NFATC1: variants seen among roughly 807,000 people sequenced by gnomAD.
The protein encoded by NFATC1 is nuclear factor of activated T cells 1, also known as nuclear factor of activated T-cells, cytoplasmic 1.
In NFATC1, 22 loss-of-function variants were observed where a neutral mutation model predicts 76.0. The ratio of observed to expected loss-of-function variants is 0.29; its 90% confidence interval spans 0.21 to 0.41. The LOEUF is 0.41. NFATC1 is among the 10% of genes least tolerant of loss of function. The probability of loss-of-function intolerance (pLI) is 1.00; values close to 1 mark genes in which losing one functional copy is unlikely to be tolerated. For synonymous variants in NFATC1, 704 were observed against 613.1 expected (o/e 1.15, Z -2.19); for missense variants, 1,357 against 1,337.7 (o/e 1.01, Z -0.23).
In NFATC1 at chr18:79,461,293, C is replaced by A; in HGVS notation, c.1904-18C>A. The A allele has an allele frequency of 6.2e-7, 1 of 1,610,416 alleles. No homozygotes were observed. The highest frequency in any genetic ancestry group is 1.1e-5 in the South Asian group (1 of 91,040). On this transcript the variant is annotated intron_variant, in intron 6 of 9. Transcript: ENST00000427363. Reference sequence around the variant, plus strand: ...CCACCACACAGAGTCACAGACGTTTCCTGCTCCTTTCTTCCAGATGGCCAC... The same window carrying A: ...CCACCACACAGAGTCACAGACGTTTACTGCTCCTTTCTTCCAGATGGCCAC...
At position 79,527,611 on chromosome 18, in the gene NFATC1, A is replaced by C. The variant is rs760165897; in HGVS notation, c.*34A>C. The C allele has an allele frequency of 6.9e-6, 11 of 1,594,402 alleles. No individual in the cohort carries two copies. Among genetic ancestry groups the C allele is most frequent in the Non-Finnish European group, 7.7e-6 (9 of 1,162,354 alleles). Reference sequence around the variant, plus strand: ...TTGGAGCACTCAGTTCAGCAGGGGTATGCTGACTTCAGCAGACAAAGACTT... The same window carrying C: ...TTGGAGCACTCAGTTCAGCAGGGGTCTGCTGACTTCAGCAGACAAAGACTT... On this transcript the variant is annotated 3_prime_UTR_variant, in exon 10 of 10. Transcript: ENST00000427363.
At chr18:79,484,921 A>G (rs2089450869) in intron 8 of NFATC1, among the ~76,000 whole-genome samples, 1 of 152,218 alleles carries the variant, frequency 6.6e-6, no homozygotes, top group East Asian at 1.9e-4. Flanking sequence ...CTGCAGGAAA[A>G]CGCCGTCTCC....
intron 9 of NFATC1, chr18:79,496,732 C>T (rs2089896999): frequency 6.6e-6 from 1 of 152,310 alleles, no homozygotes. Context: ...ACGGAAGACC[C>T]AGATCACAGT....
intron 9 of NFATC1, among the ~76,000 whole-genome samples, chr18:79,512,372 T>C (rs1196781775): frequency 1.3e-5 from 2 of 152,046 alleles, no homozygotes; most frequent in Admixed American, 1.3e-4. Context: ...GACTAAGGCT[T>C]AGGGATTTTA....
intron 9 of NFATC1, among the ~76,000 whole-genome samples, chr18:79,507,493 C>T (rs897268938): frequency 6.6e-5 from 10 of 152,244 alleles, no homozygotes; most frequent in African/African-American, 2.2e-4. Context: ...CCCTGCCCTC[C>T]GGGGCAGCAC....
chr18:79,455,405 AGGGCCCCTCTACGTGGCCTCCCG>A (rs2087654311), intron 6 of NFATC1, among the ~76,000 whole-genome samples: 1 of 152,094 alleles, frequency 6.6e-6, no homozygotes, highest in African/African-American at 2.4e-5. Context: ...CCAGGTAATC[AGGGCCCCTCTACGTGGCCTCCCG>A]GGGCCCCTCT....
intron 7 of NFATC1, among the ~76,000 whole-genome samples, chr18:79,462,110 C>G (rs73969288): frequency 0.085 from 12,863 of 152,184 alleles, 1,737 homozygotes; most frequent in African/African-American, 0.28. Flanking sequence ...TGACCGTCCT[C>G]GGATTGGAGA....
intron 8 of NFATC1, among the ~76,000 whole-genome samples, chr18:79,483,646 C>A (rs945398895): frequency 6.9e-6 from 1 of 144,700 alleles, no homozygotes; most frequent in African/African-American, 2.6e-5. Context: ...GTGACCTGGT[C>A]CTGGGGTGTA....
intron 9 of NFATC1, among the ~76,000 whole-genome samples, chr18:79,493,081 C>A (rs1174747784): frequency 1.3e-5 from 2 of 152,122 alleles, no homozygotes; most frequent in African/African-American, 2.4e-5. Context: ...CACAGAGGTT[C>A]AGTTTTTAAA....
At chr18:79,397,696 G>A (rs1347688811) in intron 1 of NFATC1, among the ~76,000 whole-genome samples, 2 of 152,152 alleles carry the variant, frequency 1.3e-5, no homozygotes, top group Non-Finnish European at 1.5e-5. Flanking sequence ...ACGCCGCAGT[G>A]TTCATTATCA....
At chr18:79,435,834 T>TA (rs2086756317) in intron 3 of NFATC1, among the ~76,000 whole-genome samples, 1 of 152,248 alleles carries the variant, frequency 6.6e-6, no homozygotes, top group African/African-American at 2.4e-5. Flanking sequence ...GCTCTGCGTT[T>TA]CCACAGAAGG....
At chr18:79,407,940 C>G (rs759904321) in intron 1 of NFATC1, among the ~76,000 whole-genome samples, 1 of 152,182 alleles carries the variant, frequency 6.6e-6, no homozygotes, top group Non-Finnish European at 1.5e-5. Context: ...CCTCCCACCC[C>G]TGAGAGCTTC....
In NFATC1 at chr18:79,528,886, A is replaced by G. The variant is rs777495284; in HGVS notation, c.*1309A>G. 2.0e-5 allele frequency: 3 copies of G among 152,632 alleles called. No homozygotes were observed. The highest frequency in any genetic ancestry group is 4.4e-5 in the Non-Finnish European group (3 of 68,042). The allele number at this position is 152,632 out of a possible 1,614,324, so 9.5% of individuals were successfully genotyped here. ...TCACAGCGATCTATTGTTCCATATA[A>G]CCAAAAAGCATGGTTTATTCATTGA... On this transcript the variant is annotated 3_prime_UTR_variant, in exon 10 of 10. Coordinates refer to ENST00000427363, the MANE Select transcript of NFATC1 (RefSeq NM_001278669.2).
At chr18:79,473,373 C>A (rs994007012) in intron 8 of NFATC1, among the ~76,000 whole-genome samples, 1 of 152,268 alleles carries the variant, frequency 6.6e-6, no homozygotes, top group South Asian at 2.1e-4. Flanking sequence ...CGTGTTCTCA[C>A]GCTTACTGTC....
intron 7 of NFATC1, among the ~76,000 whole-genome samples, chr18:79,464,785 A>G (rs959938104): frequency 1.5e-4 from 23 of 148,588 alleles, no homozygotes; most frequent in Admixed American, 3.4e-4. Flanking sequence ...GGCTCACTGC[A>G]GCCTTGACCT....
At chr18:79,452,747 C>T (rs919086130) in intron 6 of NFATC1, among the ~76,000 whole-genome samples, 1 of 152,204 alleles carries the variant, frequency 6.6e-6, no homozygotes, top group African/African-American at 2.4e-5. Context: ...GCCGTGAGCT[C>T]CCTGGTTTTG....
intron 9 of NFATC1, among the ~76,000 whole-genome samples, chr18:79,522,380 G>T (rs2090631703): frequency 2.4e-5 from 2 of 85,040 alleles, no homozygotes; most frequent in Admixed American, 1.4e-4. Flanking sequence ...GTGTGTGTGG[G>T]GGGGGGTGCG....
At chr18:79,508,767 C>T (rs992370460) in intron 9 of NFATC1, among the ~76,000 whole-genome samples, 3 of 146,016 alleles carry the variant, frequency 2.1e-5, no homozygotes, top group African/African-American at 7.3e-5. Context: ...CCCTTCCTCG[C>T]TCTGTTTCTC....
At chr18:79,469,965 C>G (rs1236778046) in intron 8 of NFATC1, 4 of 985,366 alleles carry the variant, frequency 4.1e-6, no homozygotes, top group Admixed American at 6.2e-5. Flanking sequence ...GGGCCTACCT[C>G]GAGGCCACTG....
Sources: gnomAD v4.1 joint callset for allele counts (sites outside exome capture counted in the v4.1 genomes callset) on GRCh38, gnomAD v4.1.1 for gene constraint, MANE v1.5 for transcripts, NCBI Gene and HGNC (gene_info 2026-07-23, HGNC 2026-07-21) for gene names.